CNTN5: variants seen among roughly 807,000 people sequenced by gnomAD.
The protein encoded by CNTN5 is contactin 5, also known as contactin-5.
In CNTN5, 77 loss-of-function variants were observed where a neutral mutation model predicts 129.1. The observed-to-expected ratio is 0.60, with a 90% CI of 0.50 to 0.72. The LOEUF (loss-of-function observed/expected upper bound fraction) is 0.72. Ranked by LOEUF, CNTN5 falls within the 30% of genes least tolerant of loss-of-function variation. The probability of loss-of-function intolerance (pLI) is 0.00; values close to 1 mark genes in which losing one functional copy is unlikely to be tolerated. For missense variants in CNTN5, 1,478 were observed against 1,328.8 expected (o/e 1.11, Z -1.75); for synonymous variants, 509 against 465.6 (o/e 1.09, Z -1.20).
At chr11:99,151,292 G>A (rs1056180795) in intron 1 of CNTN5, among the ~76,000 whole-genome samples, 17 of 152,096 alleles carry the variant, frequency 1.1e-4, no homozygotes, top group African/African-American at 3.9e-4. Context: ...GTGTGTGCAT[G>A]CACTCTTGTG....
intron 2 of CNTN5, among the ~76,000 whole-genome samples, chr11:99,549,157 T>C (rs189857900): frequency 5.3e-5 from 8 of 152,200 alleles, no homozygotes; most frequent in African/African-American, 1.9e-4. Context: ...TTTGCTGGTA[T>C]GATTCTGACC....
intron 3 of CNTN5, among the ~76,000 whole-genome samples, chr11:99,792,821 C>G (rs1190294615): frequency 6.6e-6 from 1 of 152,054 alleles, no homozygotes; most frequent in Non-Finnish European, 1.5e-5. Context: ...TTGTTCTGTT[C>G]AGGGATTCAC....
intron 7 of CNTN5, among the ~76,000 whole-genome samples, chr11:99,956,103 A>G (rs1348722819): frequency 1.3e-5 from 2 of 151,922 alleles, no homozygotes; most frequent in Non-Finnish European, 2.9e-5. Flanking sequence ...GTTACTTTTC[A>G]TATTTTATGA....
intron 2 of CNTN5, among the ~76,000 whole-genome samples, chr11:99,368,854 C>T (rs1476005085): frequency 2.0e-5 from 3 of 152,016 alleles, no homozygotes; most frequent in Non-Finnish European, 2.9e-5. Context: ...AGTGAACTCA[C>T]ATCGCTGTAA....
intron 1 of CNTN5, among the ~76,000 whole-genome samples, chr11:99,244,335 T>C (rs1355458717): frequency 2.0e-5 from 3 of 152,200 alleles, no homozygotes; most frequent in Admixed American, 2.0e-4. Context: ...AAGTTGTTTA[T>C]CAGTTCCAGG....
chr11:99,056,552 C>T (rs12287774), intron 1 of CNTN5, among the ~76,000 whole-genome samples: 4,860 of 152,016 alleles, frequency 0.032, 280 homozygotes, highest in African/African-American at 0.11. Context: ...TGGATGCCAC[C>T]AGCATCATAT....
intron 1 of CNTN5, among the ~76,000 whole-genome samples, chr11:99,211,052 G>C (rs1859749754): frequency 6.6e-6 from 1 of 152,046 alleles, no homozygotes; most frequent in Non-Finnish European, 1.5e-5. Context: ...AATTCTTTGA[G>C]ACAACATCAC....
rs191994802 is a variant in CNTN5 at position 99,037,382 on chromosome 11, A to G, written c.-210+16112A>G. On this transcript the variant is annotated intron_variant, in intron 1 of 24. Coordinates refer to ENST00000524871, the MANE Select transcript of CNTN5 (RefSeq NM_014361.4). ...TACATTTCAGATTTGGCAGTGTTCC[A>G]TTAAGGAGTTCTATAACTGTCCTTC... 1.2e-3 allele frequency among the ~76,000 whole-genome samples: 184 copies of G among 152,188 alleles called. 1 individual carries two copies. The highest frequency in any genetic ancestry group is 4.3e-3 in the African/African-American group (177 of 41,532).
chr11:100,158,185 C>G (rs1203890323), intron 13 of CNTN5, among the ~76,000 whole-genome samples: 1 of 151,718 alleles, frequency 6.6e-6, no homozygotes, highest in Non-Finnish European at 1.5e-5. Flanking sequence ...AATGATCTAT[C>G]TAGATTTACA....
intron 1 of CNTN5, among the ~76,000 whole-genome samples, chr11:99,190,590 G>GT (rs905251397): frequency 7.3e-5 from 11 of 150,910 alleles, no homozygotes; most frequent in African/African-American, 1.9e-4. Flanking sequence ...ATGTTTTGTA[G>GT]TTTTTTTTAG....
At chr11:99,968,324 G>A (rs1421378599) in intron 8 of CNTN5, among the ~76,000 whole-genome samples, 1 of 152,166 alleles carries the variant, frequency 6.6e-6, no homozygotes. Context: ...GGCTACACAT[G>A]TAGATAATCT....
intron 2 of CNTN5, among the ~76,000 whole-genome samples, chr11:99,499,267 T>C (rs1363261749): frequency 6.6e-6 from 1 of 152,174 alleles, no homozygotes; most frequent in Non-Finnish European, 1.5e-5. Flanking sequence ...ATGGTTTGAA[T>C]GTGTCCCCTC....
chr11:99,627,754 AGC>A, intron 3 of CNTN5, among the ~76,000 whole-genome samples: 1 of 152,036 alleles, frequency 6.6e-6, no homozygotes, highest in South Asian at 2.1e-4. Flanking sequence ...TATCTGGGCC[AGC>A]CAGGCATTGA....
chr11:99,760,119 C>A (rs539005503), intron 3 of CNTN5, among the ~76,000 whole-genome samples: 1 of 152,222 alleles, frequency 6.6e-6, no homozygotes, highest in South Asian at 2.1e-4. Flanking sequence ...TTTCTCCAAT[C>A]CTTTTTTGAT....
At chr11:99,383,562 C>T (rs1409184193) in intron 2 of CNTN5, among the ~76,000 whole-genome samples, 2 of 149,112 alleles carry the variant, frequency 1.3e-5, no homozygotes, top group Non-Finnish European at 3.0e-5. Context: ...GGTTGATACT[C>T]ATTTAGTTTT....
chr11:99,395,534 T>A (rs534265323), intron 2 of CNTN5, among the ~76,000 whole-genome samples: 37 of 152,142 alleles, frequency 2.4e-4, no homozygotes, highest in African/African-American at 8.9e-4. Context: ...GTGCAGAAGC[T>A]TTTTAGTTTC....
chr11:99,348,343 A>C (rs534714579), intron 2 of CNTN5, among the ~76,000 whole-genome samples: 12 of 152,294 alleles, frequency 7.9e-5, no homozygotes, highest in Non-Finnish European at 1.0e-4. Context: ...CGTCCCCCCC[A>C]AAAAAATACA....
At chr11:99,035,456 G>C (rs1263828691) in intron 1 of CNTN5, among the ~76,000 whole-genome samples, 1 of 151,948 alleles carries the variant, frequency 6.6e-6, no homozygotes, top group East Asian at 1.9e-4. Context: ...GGGTGCTCCT[G>C]TATTGGGTGC....
intron 4 of CNTN5, among the ~76,000 whole-genome samples, chr11:99,843,532 T>C (rs1018379797): frequency 6.6e-6 from 1 of 152,214 alleles, no homozygotes; most frequent in South Asian, 2.1e-4. Context: ...GCAAAAGATA[T>C]AAACTTCTGT....
Sources: gnomAD v4.1 joint callset for allele counts (sites outside exome capture counted in the v4.1 genomes callset) on GRCh38, gnomAD v4.1.1 for gene constraint, MANE v1.5 for transcripts, NCBI Gene and HGNC (gene_info 2026-07-23, HGNC 2026-07-21) for gene names.